The following MAP4 variants were observed in gnomAD, a reference collection of about 807,000 sequenced individuals.
The protein encoded by MAP4 is microtubule-associated protein 4.
In MAP4, 76 loss-of-function variants were observed where a neutral mutation model predicts 170.2. The observed-to-expected ratio is 0.45, with a 90% CI of 0.37 to 0.54. MAP4 has a LOEUF of 0.54. MAP4 is among the 20% of genes least tolerant of loss of function. The probability of loss-of-function intolerance (pLI) is 0.00; values close to 1 mark genes in which losing one functional copy is unlikely to be tolerated. For missense variants in MAP4, 2,506 were observed against 2,748.0 expected (o/e 0.91, Z 1.97); for synonymous variants, 909 against 994.5 (o/e 0.91, Z 1.62).
chr3:48,017,442 T>C (rs2100108327), upstream of MAP4, among the ~76,000 whole-genome samples: 2 of 151,978 alleles, frequency 1.3e-5, no homozygotes, highest in South Asian at 4.1e-4. Context: ...TTCCACCTGA[T>C]CTTTAAAGGG....
At chr3:48,011,534 C>G (rs2100105230) in intron 1 of MAP4, among the ~76,000 whole-genome samples, 1 of 148,702 alleles carries the variant, frequency 6.7e-6, no homozygotes, top group African/African-American at 2.5e-5. Flanking sequence ...GCCTACGTAA[C>G]AGAGCAAGAC....
Position 47,949,716 on chromosome 3 carries a change from G to A in MAP4, c.293-21366C>T, listed in dbSNP as rs556935371. 2.0e-5 allele frequency among the ~76,000 whole-genome samples: 3 copies of A among 152,282 alleles called. No homozygotes were observed. The South Asian group carries it at 6.2e-4, about 32-fold the overall frequency. On this transcript the variant is annotated intron_variant, in intron 3 of 20. Transcript: ENST00000683076. ...CTTTACTGCTCTGCTTTGCAATAAT[G>A]AAGCTGGACTCTTCAAATGTTTTTC... is the stretch of plus-strand genomic sequence containing the variant.
chr3:47,946,005 G>C (rs2100059619), intron 3 of MAP4, among the ~76,000 whole-genome samples: 1 of 151,892 alleles, frequency 6.6e-6, no homozygotes, highest in South Asian at 2.1e-4. Flanking sequence ...CACAATTTCG[G>C]CTCACTGCAA....
intron 17 of MAP4, among the ~76,000 whole-genome samples, chr3:47,866,786 GTTGA>G (rs1466531731): frequency 6.6e-6 from 1 of 152,100 alleles, no homozygotes; most frequent in Non-Finnish European, 1.5e-5. Flanking sequence ...GGAAGAAAAT[GTTGA>G]TTAATTCTTA....
At chr3:47,906,361 G>C (rs991154988) in intron 9 of MAP4, among the ~76,000 whole-genome samples, 1 of 152,048 alleles carries the variant, frequency 6.6e-6, no homozygotes. Context: ...ATGAAAAAAA[G>C]TTGGGAAACA....
At chr3:47,913,291 A>G (rs1346404536) in intron 8 of MAP4, among the ~76,000 whole-genome samples, 1 of 152,136 alleles carries the variant, frequency 6.6e-6, no homozygotes, top group Non-Finnish European at 1.5e-5. Context: ...GACCCAATAA[A>G]TTGATTTCCA....
chr3:47,891,818 T>G (rs763252049), intron 10 of MAP4: 2 of 1,536,336 alleles, frequency 1.3e-6, no homozygotes, highest in Middle Eastern at 1.7e-4. Flanking sequence ...CTTCAGCTGC[T>G]CAGAGTTATC....
chr3:47,931,656 A>AAT (rs1553634312), intron 3 of MAP4, among the ~76,000 whole-genome samples: 5 of 131,400 alleles, frequency 3.8e-5, no homozygotes, highest in African/African-American at 1.1e-4. Flanking sequence ...TTTAAACAAA[A>AAT]TTTTTTTTTT....
chr3:48,035,677 C>T (rs1175890234), intron 1 of MAP4, among the ~76,000 whole-genome samples: 1 of 152,062 alleles, frequency 6.6e-6, no homozygotes, highest in Non-Finnish European at 1.5e-5. Flanking sequence ...TTGTGGCTCA[C>T]ACTTGTAATC....
intron 3 of MAP4, among the ~76,000 whole-genome samples, chr3:47,941,487 C>T (rs769794571): frequency 1.5e-4 from 22 of 151,712 alleles, no homozygotes; most frequent in African/African-American, 4.1e-4. Flanking sequence ...TTTTTAAAAG[C>T]GAAACCATGG....
chr3:47,905,055 T>A (rs758972518), intron 9 of MAP4, among the ~76,000 whole-genome samples: 8 of 152,134 alleles, frequency 5.3e-5, no homozygotes, highest in Non-Finnish European at 1.0e-4. Flanking sequence ...GAACAAGATA[T>A]GTGAGAATTG....
At position 47,872,030 on chromosome 3, in the gene MAP4, C is replaced by G. The variant is rs750831932; in HGVS notation, c.5828G>C (p.Arg1943Thr). 5 of 1,613,964 alleles carry G rather than the reference C, an allele frequency of 3.1e-6. No individual in the cohort carries two copies. The South Asian group carries it at 5.5e-5, about 18-fold the overall frequency. Residue 1943 changes from arginine (R) to threonine (T), a missense_variant, in exon 13 of 21, where the codon AGA becomes ACA. Coordinates refer to ENST00000683076, the MANE Select transcript of MAP4 (RefSeq NM_001385682.1). ...PSKPASAPAS[R>T]SGSKSTQTVA... ...AGTCTGAGTGCTCTTGGACCCAGATCTGGAGGCTGGGGCAGAAGCTGGCTT... is the reference window on the plus strand; with the variant it reads ...AGTCTGAGTGCTCTTGGACCCAGATGTGGAGGCTGGGGCAGAAGCTGGCTT...
intron 10 of MAP4, among the ~76,000 whole-genome samples, chr3:47,901,726 A>C (rs1279729207): frequency 6.6e-6 from 1 of 152,080 alleles, no homozygotes; most frequent in Non-Finnish European, 1.5e-5. Flanking sequence ...TATCTTAAAG[A>C]AATAACTATA....
intron 1 of MAP4, among the ~76,000 whole-genome samples, chr3:48,044,188 T>A: frequency 6.7e-6 from 1 of 149,462 alleles, no homozygotes; most frequent in African/African-American, 2.5e-5. Flanking sequence ...ACAGTCTCAC[T>A]CTGTTGCCCA....
At position 47,851,486 on chromosome 3, in the gene MAP4, G is replaced by A. The variant is rs1439425003; in HGVS notation, c.*1448C>T. On this transcript the variant is annotated 3_prime_UTR_variant, in exon 21 of 21. Coordinates refer to ENST00000683076, the MANE Select transcript of MAP4 (RefSeq NM_001385682.1). Reference sequence around the variant, plus strand: ...CCAAGTCTGGGGCAGCCTCCTCAGAGGCAAATCTACACTGCAGCCAATCCC... The same window carrying A: ...CCAAGTCTGGGGCAGCCTCCTCAGAAGCAAATCTACACTGCAGCCAATCCC... 1 of 151,982 alleles carries A rather than the reference G, an allele frequency of 6.6e-6. No homozygotes were observed. Among genetic ancestry groups the A allele is most frequent in the Non-Finnish European group, 1.5e-5 (1 of 67,982 alleles). The allele number at this position is 151,982 out of a possible 1,614,324, so 9.4% of individuals were successfully genotyped here.
At chr3:48,045,978 T>C (rs1433727646) in intron 1 of MAP4, among the ~76,000 whole-genome samples, 2 of 148,668 alleles carry the variant, frequency 1.3e-5, no homozygotes, top group African/African-American at 5.0e-5. Context: ...ATTTCTTGCA[T>C]CACTTCTTTT....
chr3:47,869,389 A>C (rs952000829), intron 15 of MAP4, 62 bp from the exon 16 acceptor site: 9 of 1,131,870 alleles, frequency 8.0e-6, no homozygotes, highest in Middle Eastern at 3.9e-4. Flanking sequence ...AAAAGCCAAG[A>C]AGGGAAGAAG....
intron 1 of MAP4, among the ~76,000 whole-genome samples, chr3:48,004,847 C>A (rs1007559644): frequency 3.3e-5 from 5 of 152,130 alleles, no homozygotes; most frequent in African/African-American, 7.2e-5. Flanking sequence ...CCCCCATCCC[C>A]GCCATCAACC....
At chr3:47,885,095 T>C (rs941404061) in intron 10 of MAP4, among the ~76,000 whole-genome samples, 1 of 152,172 alleles carries the variant, frequency 6.6e-6, no homozygotes, top group Non-Finnish European at 1.5e-5. Flanking sequence ...TTTTTTTCTT[T>C]CTTGTTTTTT....
Sources: allele counts gnomAD v4.1 joint callset (sites outside exome capture counted in the v4.1 genomes callset), GRCh38; gene constraint gnomAD v4.1.1; transcripts MANE v1.5; gene names NCBI Gene and HGNC (gene_info 2026-07-23, HGNC 2026-07-21).